NONO: variants seen among roughly 807,000 people sequenced by gnomAD.
NONO encodes the protein non-POU domain-containing octamer-binding protein.
Under a neutral mutation model 40.2 loss-of-function variants are expected in NONO, and 6 were observed. The observed-to-expected ratio is 0.15, with a 90% CI of 0.08 to 0.29. NONO has a LOEUF of 0.29. Ranked by LOEUF, NONO falls within the 10% of genes least tolerant of loss-of-function variation. The probability of loss-of-function intolerance (pLI) is 1.00; values close to 1 mark genes in which losing one functional copy is unlikely to be tolerated. For missense variants in NONO, 133 were observed against 397.8 expected, an observed-to-expected ratio of 0.33 and a Z score of 5.66; for synonymous variants, 89 against 123.3, an observed-to-expected ratio of 0.72 and a Z score of 1.85.
intron 2 of NONO, among the ~76,000 whole-genome samples, chrX:71,284,668 C>G (rs749374911): frequency 8.9e-6 from 1 of 112,222 alleles, no homozygotes; most frequent in South Asian, 3.7e-4. Flanking sequence ...TGTCCACCTT[C>G]CTTGTTATTA....
At position 71,296,748 on chromosome X, in the gene NONO, G is replaced by A. The variant is rs776522399; in HGVS notation, c.746+88G>A. The A allele has an allele frequency of 1.7e-4, 172 of 1,014,947 alleles. No homozygotes were observed. The African/African-American group carries it at 2.9e-3, about 17-fold the overall frequency. The allele number at this position is 1,014,947 out of a possible 1,213,427, so 83.6% of individuals were successfully genotyped here. On this transcript the variant is annotated intron_variant, in intron 6 of 11. Transcript: ENST00000276079. ...TATGTAAAAGAGGCAGGTCTTTGCT[G>A]CACATGTTCACTGGCAGCCATTATC...
intron 3 of NONO, among the ~76,000 whole-genome samples, chrX:71,291,141 GGTACTGAATACT>G (rs1442218179): frequency 2.7e-5 from 3 of 112,262 alleles, no homozygotes; most frequent in Non-Finnish European, 3.8e-5. Context: ...GGAGAAGTCT[GGTACTGAATACT>G]GTACTTTTAG....
intron 9 of NONO, 129 bp downstream of exon 9, chrX:71,298,067 TAAG>T: frequency 4.2e-6 from 2 of 479,747 alleles, no homozygotes; most frequent in South Asian, 3.4e-5. Context: ...AAAGAATTCA[TAAG>T]AAGGAGAGGT....
At chrX:71,296,701 C>T in intron 6 of NONO, 41 bp downstream of exon 6, 5 of 1,043,244 alleles carry the variant, frequency 4.8e-6, no homozygotes, top group Non-Finnish European at 6.6e-6. Context: ...GTGTTTCCTT[C>T]TTAAGAAAGC....
At chrX:71,286,305 T>C (rs2031187354) in intron 2 of NONO, among the ~76,000 whole-genome samples, 1 of 111,449 alleles carries the variant, frequency 9.0e-6, no homozygotes, top group Non-Finnish European at 1.9e-5. Flanking sequence ...CCCTATCCAC[T>C]TTGCCTTCCT....
At chrX:71,292,077 T>G in intron 4 of NONO, 105 bp downstream of exon 4, 2 of 534,441 alleles carry the variant, frequency 3.7e-6, no homozygotes, top group Non-Finnish European at 5.8e-6. Context: ...GATGATGTGT[T>G]CCTTGAAAGC....
In NONO at chrX:71,290,684, C is replaced by G; in HGVS notation, c.47C>G (p.Pro16Arg). ...AACTTGGAGAAGCAAAACCATACTC[C>G]AAGAAAGCATCATCAACATCACCAC... ...TFNLEKQNHTPRKHHQHHHQQ... is the reference protein window; with the variant it reads ...TFNLEKQNHTRRKHHQHHHQQ... Residue 16 changes from proline to arginine, a missense_variant, in exon 3 of 12, where the codon CCA (proline) becomes CGA (arginine). Pro to Arg is a moderately radical substitution (Grantham distance 103). Coordinates refer to ENST00000276079, the MANE Select transcript of NONO (RefSeq NM_007363.5). The G allele has an allele frequency of 8.3e-7, 1 of 1,209,115 alleles. No individual in the cohort carries two copies. Among genetic ancestry groups the G allele is most frequent in the Non-Finnish European group, 1.1e-6 (1 of 894,119 alleles).
At chrX:71,286,753 TTTC>T (rs2031197902) in intron 2 of NONO, among the ~76,000 whole-genome samples, 1 of 112,166 alleles carries the variant, frequency 8.9e-6, no homozygotes, top group African/African-American at 3.2e-5. Context: ...TTTTTATTGT[TTTC>T]TTACCATAAA....
intron 2 of NONO, 95 bp from the exon 3 acceptor site, chrX:71,290,534 C>A: frequency 1.5e-6 from 1 of 669,311 alleles, no homozygotes; most frequent in Non-Finnish European, 2.3e-6. Flanking sequence ...AAAGCCAGAG[C>A]ACTTAAGGTG....
At chrX:71,298,844 A>G (rs1410544827) in intron 11 of NONO, 28 bp downstream of exon 11, 9 of 1,079,957 alleles carry the variant, frequency 8.3e-6, no homozygotes, top group Non-Finnish European at 1.2e-5. Context: ...CCTTAACAGT[A>G]ATTCTAAATG....
Position 71,291,966 on chromosome X carries a change from C to G in NONO, c.342C>G (p.Ile114Met). 8.6e-7 allele frequency: 1 copy of G among 1,163,453 alleles called. No individual in the cohort carries two copies. Among genetic ancestry groups the G allele is most frequent in the Non-Finnish European group, 1.1e-6 (1 of 871,674 alleles). The change falls in exon 4 of 12, where the codon ATC becomes ATG. Residue 114 changes from isoleucine (I) to methionine (M), a missense_variant. By Grantham distance (10) the Ile-to-Met change is conservative. Transcript: ENST00000276079. ...FIHKDKGFGF[I>M]RLETRTLAEI... ...ATAAGGATAAAGGATTTGGCTTTAT[C>G]CGCTTGGTGAGCAACTGTTGGCTTT... is the stretch of plus-strand genomic sequence containing the variant.
rs957038896 is a variant in NONO at position 71,292,734 on chromosome X, A to G, written c.348+762A>G. 15 of 112,252 alleles carry G rather than the reference A, an allele frequency of 1.3e-4. No homozygotes were observed. In the Admixed American group the frequency reaches 1.4e-3, roughly 11 times the overall value. 9.3% of individuals were successfully genotyped at this position (112,252 alleles called of 1,213,427 possible). A position where few individuals can be genotyped will look rare whatever the true frequency, so the allele number is the denominator to read the frequency against. Reference sequence around the variant, plus strand: ...GCAATTCTCTGTCCTCAGCCTCCTGAGTAGCTGGGACAAAGGCAACGCACC... The same window carrying G: ...GCAATTCTCTGTCCTCAGCCTCCTGGGTAGCTGGGACAAAGGCAACGCACC... On this transcript the variant is annotated intron_variant, in intron 4 of 11. Coordinates refer to ENST00000276079, the MANE Select transcript of NONO (RefSeq NM_007363.5).
intron 7 of NONO, 89 bp downstream of exon 7, chrX:71,297,136 C>A (rs777507925): frequency 2.8e-5 from 24 of 843,571 alleles, no homozygotes; most frequent in Admixed American, 7.5e-5. Flanking sequence ...GAAGGGCCTA[C>A]ATCTCTGCTT....
rs142366840 is a variant in NONO, at chrX:71,290,802, G to A, written c.154+11G>A. ...AGGCCAGCAGCCAAAGTGTGTATAT[G>A]CTAGGTGATGGAGTAGAAATGGATT... On this transcript the variant is annotated intron_variant, in intron 3 of 11. Transcript: ENST00000276079. 7 of 1,129,273 alleles carry A rather than the reference G, an allele frequency of 6.2e-6. No homozygotes were observed. Among genetic ancestry groups the A allele is most frequent in the Non-Finnish European group, 8.2e-6 (7 of 854,784 alleles). 93.1% of individuals were successfully genotyped at this position (1,129,273 alleles called of 1,213,427 possible).
At position 71,297,911 on chromosome X, in the gene NONO, A is replaced by G. The variant is rs1331959129; in HGVS notation, c.1104A>G (p.Glu368=). 3.3e-6 allele frequency: 4 copies of G among 1,201,611 alleles called. No individual in the cohort carries two copies. The highest frequency in any genetic ancestry group is 3.5e-5 in the African/African-American group (2 of 57,253). ...AAGAAATGATGCGGCGACAGCAGGAAGGATTCAAGGGAACCTTCCCTGATG... is the reference window on the plus strand; with the variant it reads ...AAGAAATGATGCGGCGACAGCAGGAGGGATTCAAGGGAACCTTCCCTGATG... ...QQEEMMRRQQ[E]GFKGTFPDAR... The change falls in exon 9 of 12, where the codon GAA becomes GAG. Residue 368 remains glutamate (E), a synonymous_variant. Coordinates refer to ENST00000276079, the MANE Select transcript of NONO (RefSeq NM_007363.5).
At position 71,300,978 on chromosome X, in the gene NONO, T is replaced by G. The variant is rs1249578703; in HGVS notation, c.*902T>G. 2 of 156,378 alleles carry G rather than the reference T, an allele frequency of 1.3e-5. No homozygotes were observed. The highest frequency in any genetic ancestry group is 6.1e-5 in the African/African-American group (2 of 32,689). The allele number at this position is 156,378 out of a possible 1,213,427, so 12.9% of individuals were successfully genotyped here. The stretch of plus-strand genomic sequence containing the variant: ...TTTCTTGATAGGCCTAGTACAATCT[T>G]GGGAACAGGGTTACTGTATACTGAA... On this transcript the variant is annotated 3_prime_UTR_variant, in exon 12 of 12. Coordinates refer to ENST00000276079, the MANE Select transcript of NONO (RefSeq NM_007363.5).
intron 9 of NONO, 171 bp downstream of exon 9, chrX:71,298,109 A>G (rs900351262): frequency 2.5e-5 from 11 of 443,811 alleles, no homozygotes; most frequent in African/African-American, 1.5e-4. Flanking sequence ...CTTGCCTCAC[A>G]AGCAATATAG....
At chrX:71,290,060 C>T (rs1317049574) in intron 2 of NONO, among the ~76,000 whole-genome samples, 2 of 111,309 alleles carry the variant, frequency 1.8e-5, no homozygotes, top group Non-Finnish European at 3.8e-5. Flanking sequence ...AGCCACACGC[C>T]CAACCTGCCT....
chrX:71,297,924 A>G lies in NONO; in HGVS notation c.1117A>G (p.Thr373Ala). The stretch of plus-strand genomic sequence containing the variant: ...GCGACAGCAGGAAGGATTCAAGGGA[A>G]CCTTCCCTGATGCGGTATATCTCCC... ...MRRQQEGFKGTFPDAREQEIR... is the reference protein window; with the variant it reads ...MRRQQEGFKGAFPDAREQEIR... Residue 373 changes from threonine (T) to alanine (A), a missense_variant, in exon 9 of 12, where the codon ACC becomes GCC. Thr to Ala is a moderately conservative substitution (Grantham distance 58). This residue lies in a region of NONO where 73 missense variants were observed against 162.2 expected (regional missense o/e 0.45). Transcript: ENST00000276079. The G allele has an allele frequency of 8.5e-7, 1 of 1,176,759 alleles. No homozygotes were observed. The highest frequency in any genetic ancestry group is 1.2e-6 in the Non-Finnish European group (1 of 864,082).
Sources: gnomAD v4.1 joint callset for allele counts (sites outside exome capture counted in the v4.1 genomes callset) on GRCh38, gnomAD v4.1.1 for gene constraint, gnomAD v4.1.1 regional missense constraint, MANE v1.5 for transcripts, NCBI Gene and HGNC (gene_info 2026-07-23, HGNC 2026-07-21) for gene names.